Variants in NNT observed in about 807,000 individuals in gnomAD.
NNT encodes the protein NAD(P) transhydrogenase, mitochondrial.
A neutral mutation model predicts 104.8 loss-of-function variants in NNT; 50 were observed. The ratio of observed to expected loss-of-function variants is 0.48; its 90% confidence interval spans 0.38 to 0.60. The LOEUF is 0.60. NNT is among the 20% of genes least tolerant of loss of function. NNT has a pLI of 0.00. For missense variants in NNT, 1,131 were observed against 1,330.7 expected, an observed-to-expected ratio of 0.85 and a Z score of 2.33; for synonymous variants, 461 against 490.4, an observed-to-expected ratio of 0.94 and a Z score of 0.79.
chr5:43,638,292 A>C (rs1020260340), intron 7 of NNT, among the ~76,000 whole-genome samples: 7 of 152,138 alleles, frequency 4.6e-5, no homozygotes, highest in Non-Finnish European at 1.0e-4. Flanking sequence ...GTGAGATCAG[A>C]CTAATACAAG....
chr5:43,673,411 C>T (rs185733347), intron 17 of NNT, among the ~76,000 whole-genome samples: 194 of 152,264 alleles, frequency 1.3e-3, no homozygotes, highest in Admixed American at 1.7e-3. Flanking sequence ...TCTTCCTATT[C>T]GGCCATCTTG....
chr5:43,656,331 T>G (rs1740044758), intron 15 of NNT, among the ~76,000 whole-genome samples: 2 of 152,172 alleles, frequency 1.3e-5, no homozygotes, highest in African/African-American at 4.8e-5. Context: ...AAAAATGCCT[T>G]AACAGTAAAA....
intron 10 of NNT, among the ~76,000 whole-genome samples, chr5:43,646,497 C>T (rs1025293363): frequency 6.6e-6 from 1 of 150,898 alleles, no homozygotes; most frequent in African/African-American, 2.4e-5. Context: ...CGGGGCTTCA[C>T]CGTGTTGCCC....
At chr5:43,682,213 T>C (rs1741757661) in intron 19 of NNT, among the ~76,000 whole-genome samples, 1 of 148,418 alleles carries the variant, frequency 6.7e-6, no homozygotes, top group Non-Finnish European at 1.5e-5. Flanking sequence ...GGATTCTTTT[T>C]TTTTTTTTTT....
chr5:43,649,022 C>A, intron 10 of NNT, 125 bp from the exon 11 acceptor site: 1 of 1,102,532 alleles, frequency 9.1e-7, no homozygotes, highest in Non-Finnish European at 1.3e-6. Flanking sequence ...AAAAAATCTG[C>A]TCATTACTGG....
chr5:43,702,855 G>C (rs1020092672), intron 21 of NNT, 119 bp downstream of exon 21: 30 of 680,364 alleles, frequency 4.4e-5, no homozygotes, highest in Non-Finnish European at 6.2e-5. Flanking sequence ...CCAGGAGTAA[G>C]AGCATGTTTA....
intron 17 of NNT, among the ~76,000 whole-genome samples, chr5:43,666,337 C>G (rs1016091561): frequency 4.6e-5 from 7 of 152,130 alleles, no homozygotes. Flanking sequence ...CCGTCTGCAA[C>G]CCCGGCACCT....
In NNT at chr5:43,703,262, A is replaced by C. The variant is rs149992920; in HGVS notation, c.3111+526A>C. Among the ~76,000 whole-genome samples the C allele has an allele frequency of 2.0e-3, 298 of 152,334 alleles. 1 individual carries two copies. Among genetic ancestry groups the C allele is most frequent in the African/African-American group, 7.0e-3 (293 of 41,582 alleles). ...CTGAAAAAGCTAATTGCTAGATTTT[A>C]GATAACTCAAAGGCTTGTAAATTTT... On this transcript the variant is annotated intron_variant, in intron 21 of 21. Coordinates refer to ENST00000344920, the MANE Select transcript of NNT (RefSeq NM_182977.3).
intron 17 of NNT, among the ~76,000 whole-genome samples, chr5:43,671,685 A>T (rs1741100220): frequency 1.3e-5 from 2 of 152,294 alleles, no homozygotes; most frequent in African/African-American, 4.8e-5. Context: ...CTTTGTGGGT[A>T]ACCCGACCTT....
intron 17 of NNT, among the ~76,000 whole-genome samples, chr5:43,663,784 T>C (rs1740493687): frequency 6.6e-6 from 1 of 152,230 alleles, no homozygotes; most frequent in Non-Finnish European, 1.5e-5. Context: ...TGAGAAAGTA[T>C]TGTAAGGCAC....
chr5:43,655,363 C>T (rs948961427), intron 14 of NNT, among the ~76,000 whole-genome samples: 18 of 152,128 alleles, frequency 1.2e-4, no homozygotes, highest in African/African-American at 4.3e-4. Flanking sequence ...CATCTTTAAT[C>T]CGAAAATCCA....
intron 17 of NNT, among the ~76,000 whole-genome samples, chr5:43,661,339 G>A (rs1226264478): frequency 6.6e-6 from 1 of 151,974 alleles, no homozygotes; most frequent in African/African-American, 2.4e-5. Flanking sequence ...ACCAGCAGGG[G>A]GCAGCAGATT....
intron 4 of NNT, 50 bp from the exon 5 acceptor site, chr5:43,618,982 A>T (rs1319777492): frequency 9.0e-7 from 1 of 1,112,818 alleles, no homozygotes. Flanking sequence ...TGAGTCTGAG[A>T]TCTCTCCTTT....
At chr5:43,651,954 G>A in intron 13 of NNT, 70 bp downstream of exon 13, 1 of 1,487,432 alleles carries the variant, frequency 6.7e-7, no homozygotes, top group Non-Finnish European at 9.3e-7. Context: ...AACATTGTTA[G>A]TTATCCTAAT....
At chr5:43,648,150 T>C (rs1378439440) in intron 10 of NNT, 1 of 1,138,898 alleles carries the variant, frequency 8.8e-7, no homozygotes, top group East Asian at 5.9e-5. Context: ...GTTAATGGGC[T>C]ATGCACTGGA....
rs76742139 is a variant in NNT at position 43,647,299 on chromosome 5, T to C, written c.1444+1789T>C. On this transcript the variant is annotated intron_variant, in intron 10 of 21. Transcript: ENST00000344920. ...CAAAAGAAATGAGGTTATTGTGTTG[T>C]ACATGGAACATATTATGAGTAGGAT... Among the ~76,000 whole-genome samples, 861 of 152,358 alleles carry C rather than the reference T, an allele frequency of 5.7e-3. 6 individuals are homozygous for C. The highest frequency in any genetic ancestry group is 0.019 in the African/African-American group (782 of 41,590).
At chr5:43,669,417 T>C (rs141768476) in intron 17 of NNT, among the ~76,000 whole-genome samples, 4,552 of 152,296 alleles carry the variant, frequency 0.03, 187 homozygotes, top group African/African-American at 0.095. Flanking sequence ...GGCTGTGGGT[T>C]TGTCATAGAT....
intron 19 of NNT, among the ~76,000 whole-genome samples, chr5:43,687,147 GCA>G (rs369151491): frequency 1.3e-5 from 2 of 152,076 alleles, no homozygotes; most frequent in African/African-American, 4.8e-5. Context: ...TCTTAGGAGA[GCA>G]CAGTCATGTC....
rs758376457 is a variant in NNT at position 43,659,198 on chromosome 5, G to A, written c.2482G>A (p.Gly828Ser). 24 of 1,611,662 alleles carry A rather than the reference G, an allele frequency of 1.5e-5. No individual in the cohort carries two copies. The East Asian group carries it at 1.8e-4, about 12-fold the overall frequency. Residue 828 changes from glycine to serine, a missense_variant, in exon 17 of 22, where the codon GGT becomes AGT. By Grantham distance (56) the Gly-to-Ser change is moderately conservative. Transcript: ENST00000344920. ...TGTGACTTTGACAGCTGCTATTGGG[G>A]GTGCTGACATGCCCGTCGTTATCAC... ...MGVTLTAAIG[G>S]ADMPVVITVL...
Sources: gnomAD v4.1 joint callset for allele counts (sites outside exome capture counted in the v4.1 genomes callset) on GRCh38, gnomAD v4.1.1 for gene constraint, MANE v1.5 for transcripts, NCBI Gene and HGNC (gene_info 2026-07-23, HGNC 2026-07-21) for gene names.